The following OPHN1 variants were observed in gnomAD, a reference collection of about 807,000 sequenced individuals.
The protein encoded by OPHN1 is oligophrenin 1.
OPHN1 carries 11 observed loss-of-function variants against 60.7 expected under a neutral mutation model. That is an observed-to-expected ratio of 0.18 (90% CI 0.11 to 0.30). The LOEUF is 0.30. Ranked by LOEUF, OPHN1 falls within the 10% of genes least tolerant of loss-of-function variation. The pLI is 1.00. For missense variants in OPHN1, 449 were observed against 611.0 expected, an observed-to-expected ratio of 0.73 and a Z score of 2.80; for synonymous variants, 226 against 222.6, an observed-to-expected ratio of 1.02 and a Z score of -0.14.
At chrX:68,272,442 AC>A (rs1260706975) in intron 5 of OPHN1, among the ~76,000 whole-genome samples, 1 of 112,678 alleles carries the variant, frequency 8.9e-6, no homozygotes, top group Non-Finnish European at 1.9e-5. Context: ...GTCATGCACC[AC>A]AAAACAATGT....
At chrX:68,156,770 A>G (rs1332810445) in intron 15 of OPHN1, among the ~76,000 whole-genome samples, 1 of 112,056 alleles carries the variant, frequency 8.9e-6, no homozygotes, top group Non-Finnish European at 1.9e-5. Flanking sequence ...TACAAAATGT[A>G]TCACATATGA....
At chrX:68,058,642 C>T (rs1472887167) in intron 21 of OPHN1, among the ~76,000 whole-genome samples, 1 of 111,776 alleles carries the variant, frequency 8.9e-6, no homozygotes, top group African/African-American at 3.3e-5. Flanking sequence ...AGTAGACACC[C>T]CATCTTCCAT....
chrX:68,076,267 C>T (rs761068913), intron 19 of OPHN1, among the ~76,000 whole-genome samples: 93 of 110,323 alleles, frequency 8.4e-4, no homozygotes, highest in African/African-American at 2.9e-3. Context: ...AAACATGATG[C>T]GATGCCACTG....
At chrX:68,201,542 G>T in intron 11 of OPHN1, 77 bp downstream of exon 11, 1 of 800,039 alleles carries the variant, frequency 1.2e-6, no homozygotes, top group Non-Finnish European at 1.9e-6. Flanking sequence ...GTGGGATGAC[G>T]GAGGAAAATA....
At chrX:68,386,420 A>G (rs1231721122) in intron 2 of OPHN1, among the ~76,000 whole-genome samples, 1 of 112,149 alleles carries the variant, frequency 8.9e-6, no homozygotes, top group Admixed American at 9.5e-5. Context: ...AGAAACTACA[A>G]TGAATAAACC....
chrX:68,057,302 T>C (rs1202456570), intron 21 of OPHN1, among the ~76,000 whole-genome samples: 1 of 111,819 alleles, frequency 8.9e-6, no homozygotes, highest in Non-Finnish European at 1.9e-5. Context: ...GCTTCCCAAG[T>C]GATGCTATGT....
At chrX:68,389,568 AAAATAAATAAATAAATAAATAAAT>A (rs200288420) in intron 2 of OPHN1, among the ~76,000 whole-genome samples, 2 of 76,860 alleles carry the variant, frequency 2.6e-5, no homozygotes, top group East Asian at 4.3e-4. Context: ...CTCCCTCTCA[AAAATAAATAAATAAATAAATAAAT>A]AAATAAATAA....
chrX:68,357,906 G>T (rs1370048959), intron 2 of OPHN1, among the ~76,000 whole-genome samples: 1 of 109,482 alleles, frequency 9.1e-6, no homozygotes, highest in East Asian at 2.8e-4. Context: ...ATATTTAAAG[G>T]CCAAAATAGG....
At chrX:68,319,443 A>T (rs2078224709) in intron 2 of OPHN1, among the ~76,000 whole-genome samples, 2 of 108,667 alleles carry the variant, frequency 1.8e-5, no homozygotes, top group African/African-American at 6.7e-5. Flanking sequence ...CCTATAAAAG[A>T]AAAAAAAAAT....
chrX:68,213,740 C>G (rs1030783871), intron 7 of OPHN1, 122 bp downstream of exon 7: 4 of 514,066 alleles, frequency 7.8e-6, no homozygotes, highest in African/African-American at 7.1e-5. Flanking sequence ...AGACTACGTT[C>G]TAGACATTTC....
At chrX:68,428,897 C>T (rs1452630010) in intron 2 of OPHN1, among the ~76,000 whole-genome samples, 1 of 112,170 alleles carries the variant, frequency 8.9e-6, no homozygotes, top group Non-Finnish European at 1.9e-5. Context: ...ATGAAGAGAT[C>T]ACATTTAAGC....
At chrX:68,070,923 A>C in intron 20 of OPHN1, 1 of 1,136,654 alleles carries the variant, frequency 8.8e-7, no homozygotes, top group Non-Finnish European at 1.2e-6. Context: ...TGACAAAGTC[A>C]ATAGGCAAGG....
intron 15 of OPHN1, among the ~76,000 whole-genome samples, chrX:68,171,659 C>G (rs931258237): frequency 9.1e-6 from 1 of 110,406 alleles, no homozygotes; most frequent in African/African-American, 3.3e-5. Flanking sequence ...TCACTTGAAC[C>G]CGGGAGGTGG....
intron 20 of OPHN1, among the ~76,000 whole-genome samples, chrX:68,064,572 G>T (rs1394720948): frequency 8.9e-6 from 1 of 112,084 alleles, no homozygotes; most frequent in African/African-American, 3.2e-5. Flanking sequence ...TTTTGTTAAG[G>T]TCTCTCAAAT....
chrX:68,279,420 T>G (rs937715809), intron 4 of OPHN1, among the ~76,000 whole-genome samples: 1 of 109,460 alleles, frequency 9.1e-6, no homozygotes, highest in Non-Finnish European at 1.9e-5. Flanking sequence ...CCCAACAGTA[T>G]ACTTTTGAGA....
intron 15 of OPHN1, among the ~76,000 whole-genome samples, chrX:68,189,267 C>T (rs2768604): frequency 0.29 from 32,224 of 111,115 alleles, 3,943 homozygotes; most frequent in African/African-American, 0.48. Context: ...AAGACTATAA[C>T]GACAATGGGG....
chrX:68,406,180 C>T (rs1277977734), intron 2 of OPHN1, among the ~76,000 whole-genome samples: 3 of 109,711 alleles, frequency 2.7e-5, no homozygotes, highest in African/African-American at 1.0e-4. Flanking sequence ...GTGATAACTA[C>T]ATGCAACTCA....
At chrX:68,391,526 T>C (rs1281171272) in intron 2 of OPHN1, among the ~76,000 whole-genome samples, 1 of 110,996 alleles carries the variant, frequency 9.0e-6, no homozygotes, top group African/African-American at 3.3e-5. Context: ...CTTCCAGAGA[T>C]AGGGTATGCA....
intron 5 of OPHN1, among the ~76,000 whole-genome samples, chrX:68,268,147 A>T (rs2077943149): frequency 9.0e-6 from 1 of 111,557 alleles, no homozygotes; most frequent in African/African-American, 3.3e-5. Context: ...ATACAGAGGT[A>T]CAGAATACAG....
Sources: gnomAD v4.1 joint callset for allele counts (sites outside exome capture counted in the v4.1 genomes callset) on GRCh38, gnomAD v4.1.1 for gene constraint, MANE v1.5 for transcripts, NCBI Gene and HGNC (gene_info 2026-07-23, HGNC 2026-07-21) for gene names.